The following ZBTB16 variants were observed in gnomAD, a reference collection of about 807,000 sequenced individuals.
ZBTB16 encodes the protein zinc finger and BTB domain-containing protein 16.
A neutral mutation model predicts 56.8 loss-of-function variants in ZBTB16; 8 were observed. That is an observed-to-expected ratio of 0.14 (90% confidence interval 0.08 to 0.25). The LOEUF is 0.25. Ranked by LOEUF, ZBTB16 falls within the 10% of genes least tolerant of loss-of-function variation. The pLI, the probability that ZBTB16 is intolerant of heterozygous loss-of-function variation, is 1.00. For missense variants in ZBTB16, 625 were observed against 903.0 expected (o/e 0.69, Z 3.95); for synonymous variants, 363 against 368.5 (o/e 0.98, Z 0.17).
chr11:114,147,104 T>A (rs180800510), intron 2 of ZBTB16, among the ~76,000 whole-genome samples: 1 of 152,336 alleles, frequency 6.6e-6, no homozygotes. Flanking sequence ...AGAAAAGTAA[T>A]TTAATTTTCA....
chr11:114,110,738 G>A (rs1202798014), intron 2 of ZBTB16, among the ~76,000 whole-genome samples: 1 of 152,184 alleles, frequency 6.6e-6, no homozygotes, highest in Admixed American at 6.5e-5. Flanking sequence ...TGAGGTTAAT[G>A]TGAAATATTT....
chr11:114,096,078 A>G (rs1462594916), intron 2 of ZBTB16, among the ~76,000 whole-genome samples: 1 of 152,242 alleles, frequency 6.6e-6, no homozygotes, highest in Non-Finnish European at 1.5e-5. Context: ...GTATTAAAAA[A>G]GGAGTATAAA....
chr11:114,239,277 G>A (rs1030462008), intron 4 of ZBTB16, among the ~76,000 whole-genome samples: 1 of 152,162 alleles, frequency 6.6e-6, no homozygotes, highest in Non-Finnish European at 1.5e-5. Context: ...CCATGCCGGG[G>A]ATCTCAGAGG....
Position 114,248,715 on chromosome 11 carries a change from C to T in ZBTB16, c.1792+1350C>T, listed in dbSNP as rs1405607227. Among the ~76,000 whole-genome samples the T allele has an allele frequency of 4.6e-5, 7 of 152,248 alleles. No homozygotes were observed. In the South Asian group the frequency reaches 8.3e-4, roughly 18 times the overall value. On this transcript the variant is annotated intron_variant, in intron 6 of 6. Coordinates refer to ENST00000335953, the MANE Select transcript of ZBTB16 (RefSeq NM_006006.6). ...CTATGTGTTGTCAGAGCTCGTTTTT[C>T]GTGTCCCAGTTTGAGCCCACAAGGA...
chr11:114,242,074 G>T lies in ZBTB16; in HGVS notation c.1454-93G>T. The T allele has an allele frequency of 2.0e-6, 3 of 1,527,176 alleles. No homozygotes were observed. In the South Asian group the frequency reaches 3.5e-5, roughly 18 times the overall value. The allele number at this position is 1,527,176 out of a possible 1,614,324, so 94.6% of individuals were successfully genotyped here. ...CCCCTGAGCATGGGGATTTGGAGGT[G>T]TGAGTCCCGACACTGGCTCTCACTC... On this transcript the variant is annotated intron_variant, in intron 4 of 6. Coordinates refer to ENST00000335953, the MANE Select transcript of ZBTB16 (RefSeq NM_006006.6).
chr11:114,194,060 G>C (rs973785329), intron 4 of ZBTB16, among the ~76,000 whole-genome samples: 1 of 152,168 alleles, frequency 6.6e-6, no homozygotes, highest in Non-Finnish European at 1.5e-5. Context: ...AGGTCATTGA[G>C]TTCATGGCCC....
chr11:114,092,588 C>T (rs1940232611), intron 2 of ZBTB16, among the ~76,000 whole-genome samples: 2 of 152,224 alleles, frequency 1.3e-5, no homozygotes, highest in African/African-American at 2.4e-5. Context: ...CAATAGACTT[C>T]TGTGGGGCCT....
chr11:114,076,972 G>C (rs140050927), intron 2 of ZBTB16, among the ~76,000 whole-genome samples: 1 of 152,010 alleles, frequency 6.6e-6, no homozygotes, highest in Non-Finnish European at 1.5e-5. Flanking sequence ...TTCAACGGCT[G>C]GGGGGGAGAA....
chr11:114,191,938 C>T (rs1943504096), intron 4 of ZBTB16, among the ~76,000 whole-genome samples: 1 of 152,164 alleles, frequency 6.6e-6, no homozygotes, highest in African/African-American at 2.4e-5. Flanking sequence ...TATTCTGGCT[C>T]TTGTGTTGCG....
chr11:114,076,276 C>T (rs1359258268), intron 2 of ZBTB16, among the ~76,000 whole-genome samples: 3 of 152,118 alleles, frequency 2.0e-5, no homozygotes, highest in Non-Finnish European at 4.4e-5. Context: ...TATCTGATTG[C>T]GGGGCTGATT....
At chr11:114,210,196 TGC>T (rs1555155995) in intron 4 of ZBTB16, among the ~76,000 whole-genome samples, 3 of 151,156 alleles carry the variant, frequency 2.0e-5, no homozygotes, top group African/African-American at 7.3e-5. Context: ...TGTGTGTGCG[TGC>T]GCGCGCGTGC....
At chr11:114,179,279 C>A (rs200081359) in intron 3 of ZBTB16, among the ~76,000 whole-genome samples, 261 of 70,352 alleles carry the variant, frequency 3.7e-3, no homozygotes, top group Middle Eastern at 8.8e-3. Flanking sequence ...AGAGAGAGAG[C>A]TAGAGAGAGA....
chr11:114,145,709 A>T (rs1942080876), intron 2 of ZBTB16, among the ~76,000 whole-genome samples: 1 of 152,192 alleles, frequency 6.6e-6, no homozygotes, highest in African/African-American at 2.4e-5. Context: ...ATATTCTGGA[A>T]TTTGATAGTG....
At chr11:114,225,181 A>G (rs576980253) in intron 4 of ZBTB16, among the ~76,000 whole-genome samples, 3 of 152,178 alleles carry the variant, frequency 2.0e-5, no homozygotes, top group African/African-American at 7.2e-5. Context: ...AAGGAAAGGC[A>G]TTCTAGGGAG....
intron 2 of ZBTB16, among the ~76,000 whole-genome samples, chr11:114,148,425 C>CTGTCTG (rs1942183368): frequency 5.9e-5 from 1 of 16,976 alleles, no homozygotes; most frequent in Non-Finnish European, 1.3e-4. Context: ...CCCTCCCTCC[C>CTGTCTG]TCTCTCTCTC....
intron 3 of ZBTB16, among the ~76,000 whole-genome samples, chr11:114,185,299 T>G (rs538464391): frequency 1.3e-5 from 2 of 152,292 alleles, no homozygotes; most frequent in African/African-American, 4.8e-5. Context: ...AGTAAGGGAC[T>G]TGAGTGCTTG....
rs1223227454 is a variant in ZBTB16 at position 114,064,614 on chromosome 11, T to G, written c.1268+46T>G. ...GCACCTGATGTAGGACTTGAGGCCC[T>G]CACACCCCTCCTTCACACCCTGGCT... is the stretch of plus-strand genomic sequence containing the variant. On this transcript the variant is annotated intron_variant, in intron 2 of 6. Transcript: ENST00000335953. The surrounding 1 kb of genome is among the most constrained non-coding windows in gnomAD (Gnocchi z 4.2). The G allele has an allele frequency of 6.2e-7, 1 of 1,605,634 alleles. No individual in the cohort carries two copies. The highest frequency in any genetic ancestry group is 1.3e-5 in the African/African-American group (1 of 74,764).
At chr11:114,121,762 G>T (rs915149952) in intron 2 of ZBTB16, 4 of 454,254 alleles carry the variant, frequency 8.8e-6, no homozygotes, top group South Asian at 3.1e-5. Flanking sequence ...TATTATACTC[G>T]CAGTTTTGTA....
rs1255991206 is a variant in ZBTB16, at chr11:114,251,123, T to G, written c.*568T>G. ...TCCCACCACTCAGCCCACCTGCTGC[T>G]TTCCTCTGCTTTGCCACATCTGGGT... On this transcript the variant is annotated 3_prime_UTR_variant, in exon 7 of 7. Coordinates refer to ENST00000335953, the MANE Select transcript of ZBTB16 (RefSeq NM_006006.6). Among the ~76,000 whole-genome samples, 1 of 152,084 alleles carries G rather than the reference T, an allele frequency of 6.6e-6. No individual in the cohort carries two copies. The highest frequency in any genetic ancestry group is 1.5e-5 in the Non-Finnish European group (1 of 68,014).
Sources: gnomAD v4.1 joint callset for allele counts (sites outside exome capture counted in the v4.1 genomes callset) on GRCh38, gnomAD v4.1.1 for gene constraint, Gnocchi (gnomAD v3.1) non-coding constraint, MANE v1.5 for transcripts, NCBI Gene and HGNC (gene_info 2026-07-23, HGNC 2026-07-21) for gene names.